Variants in RIMKLB observed in about 807,000 individuals in gnomAD.
RIMKLB encodes beta-citrylglutamate synthase B.
RIMKLB carries 7 observed loss-of-function variants against 32.0 expected under a neutral mutation model. The observed-to-expected ratio is 0.22, with a 90% CI of 0.12 to 0.41. RIMKLB has a LOEUF of 0.41. RIMKLB is among the 10% of genes least tolerant of loss of function. The pLI is 1.00. For missense variants in RIMKLB, 289 were observed against 498.7 expected, an observed-to-expected ratio of 0.58 and a Z score of 4.00; for synonymous variants, 172 against 185.1, an observed-to-expected ratio of 0.93 and a Z score of 0.57.
At chr12:8,703,345 A>G (rs1479852790) in intron 1 of RIMKLB, among the ~76,000 whole-genome samples, 1 of 152,152 alleles carries the variant, frequency 6.6e-6, no homozygotes, top group African/African-American at 2.4e-5. Context: ...AACTTTTTTA[A>G]GGCAGGGTTT....
At chr12:8,689,434 T>C (rs899477527) in intron 1 of RIMKLB, among the ~76,000 whole-genome samples, 2 of 152,216 alleles carry the variant, frequency 1.3e-5, no homozygotes, top group African/African-American at 4.8e-5. Flanking sequence ...CAATCTCTCT[T>C]TCTCAGCATT....
intron 1 of RIMKLB, among the ~76,000 whole-genome samples, chr12:8,703,889 G>T (rs1943624508): frequency 6.6e-6 from 1 of 152,114 alleles, no homozygotes; most frequent in African/African-American, 2.4e-5. Context: ...CTCAGTATGT[G>T]AATTTATTTT....
the RIMKLB span, among the ~76,000 whole-genome samples, chr12:8,671,921 C>A: frequency 6.7e-6 from 1 of 148,246 alleles, no homozygotes; most frequent in African/African-American, 2.6e-5. Flanking sequence ...CAAAACAAAA[C>A]AAAACAAAAC....
intron 5 of RIMKLB, among the ~76,000 whole-genome samples, chr12:8,758,579 C>A (rs1325417950): frequency 1.3e-5 from 2 of 152,092 alleles, no homozygotes; most frequent in African/African-American, 4.8e-5. Context: ...TCATCTATTT[C>A]TTTATATTCT....
intron 2 of RIMKLB, among the ~76,000 whole-genome samples, chr12:8,740,222 G>GTT (rs1252773084): frequency 6.6e-6 from 1 of 152,104 alleles, no homozygotes; most frequent in Non-Finnish European, 1.5e-5. Context: ...GTATTTTCTA[G>GTT]TTTCTGAATT....
At chr12:8,714,750 A>G (rs948679551) in intron 2 of RIMKLB, among the ~76,000 whole-genome samples, 2 of 152,204 alleles carry the variant, frequency 1.3e-5, no homozygotes, top group Non-Finnish European at 2.9e-5. Flanking sequence ...TTTATGGCTT[A>G]CTATAGCTAA....
chr12:8,711,120 G>A (rs1236588236), intron 1 of RIMKLB, among the ~76,000 whole-genome samples: 1 of 152,098 alleles, frequency 6.6e-6, no homozygotes, highest in East Asian at 1.9e-4. Flanking sequence ...TGTAATCCCA[G>A]CTACTCAGGA....
chr12:8,685,264 T>G (rs1942535928), intron 1 of RIMKLB, among the ~76,000 whole-genome samples: 1 of 152,194 alleles, frequency 6.6e-6, no homozygotes, highest in African/African-American at 2.4e-5. Flanking sequence ...TAGCTGTAGT[T>G]TCTTTGTAGA....
chr12:8,709,011 T>C (rs2136869779), intron 1 of RIMKLB, among the ~76,000 whole-genome samples: 1 of 152,356 alleles, frequency 6.6e-6, no homozygotes, highest in East Asian at 1.9e-4. Context: ...TTGGTTGACC[T>C]GAGCTTACAT....
chr12:8,714,066 T>C, intron 2 of RIMKLB, 25 bp downstream of exon 2: 1 of 1,602,592 alleles, frequency 6.2e-7, no homozygotes, highest in Non-Finnish European at 8.5e-7. Context: ...TAAGTGATCT[T>C]TTGGATTTTT....
At chr12:8,745,049 G>C (rs954566270) in intron 2 of RIMKLB, among the ~76,000 whole-genome samples, 4 of 151,858 alleles carry the variant, frequency 2.6e-5, no homozygotes, top group Non-Finnish European at 5.9e-5. Flanking sequence ...CTGTGTCTGT[G>C]TGTTCTCATT....
chr12:8,671,980 G>T, the RIMKLB span, among the ~76,000 whole-genome samples: 1 of 152,132 alleles, frequency 6.6e-6, no homozygotes, highest in African/African-American at 2.4e-5. Context: ...CCTCTTGAAT[G>T]CTTTGCTGTT....
At chr12:8,671,461 G>A in the RIMKLB span, among the ~76,000 whole-genome samples, 4 of 151,968 alleles carry the variant, frequency 2.6e-5, no homozygotes, top group South Asian at 2.1e-4. Context: ...TGTTGGTCAC[G>A]CTGTTCTTGA....
At chr12:8,671,256 T>TC in the RIMKLB span, among the ~76,000 whole-genome samples, 1 of 151,944 alleles carries the variant, frequency 6.6e-6, no homozygotes, top group Non-Finnish European at 1.5e-5. Flanking sequence ...TTTTCTTTCT[T>TC]CTTTTTTTTT....
chr12:8,772,130 C>A (rs1236101568), intron 5 of RIMKLB, among the ~76,000 whole-genome samples: 1 of 152,180 alleles, frequency 6.6e-6, no homozygotes, highest in Admixed American at 6.5e-5. Context: ...CTCAAGTGAT[C>A]CACCTCAGCC....
Position 8,775,403 on chromosome 12 carries a change from G to T in RIMKLB, c.*1619G>T, listed in dbSNP as rs548838302. 1.4e-5 allele frequency: 14 copies of T among 985,442 alleles called. No individual in the cohort carries two copies. The South Asian group carries it at 4.2e-4, about 30-fold the overall frequency. 61.0% of individuals were successfully genotyped at this position (985,442 alleles called of 1,614,324 possible). A position where few individuals can be genotyped will look rare whatever the true frequency, so the allele number is the denominator to read the frequency against. On this transcript the variant is annotated 3_prime_UTR_variant, in exon 6 of 6. Coordinates refer to ENST00000535829, the MANE Select transcript of RIMKLB (RefSeq NM_001297776.2). ...TGGGTAAAACTAATCCCATTGATGG[G>T]TTTGGATGGTATGTTAAGAAATGGA...
intron 1 of RIMKLB, among the ~76,000 whole-genome samples, chr12:8,682,748 G>C (rs1243882246): frequency 2.0e-5 from 3 of 151,458 alleles, no homozygotes; most frequent in African/African-American, 2.4e-5. Flanking sequence ...GCCCCGCCGG[G>C]GGGGAGGGAG....
chr12:8,745,255 G>C (rs139775405), intron 2 of RIMKLB, among the ~76,000 whole-genome samples: 3 of 150,804 alleles, frequency 2.0e-5, no homozygotes, highest in Non-Finnish European at 3.0e-5. Context: ...GGCCTTGCTG[G>C]TTTGTTTTTT....
At chr12:8,746,794 C>G (rs1372351710) in intron 2 of RIMKLB, among the ~76,000 whole-genome samples, 1 of 151,878 alleles carries the variant, frequency 6.6e-6, no homozygotes, top group East Asian at 1.9e-4. Context: ...GGGTCTTTGT[C>G]CTCCAGGTTG....
Sources: allele counts gnomAD v4.1 joint callset (sites outside exome capture counted in the v4.1 genomes callset), GRCh38; gene constraint gnomAD v4.1.1; transcripts MANE v1.5; gene names NCBI Gene and HGNC (gene_info 2026-07-23, HGNC 2026-07-21).